Variants in ARMC2 observed in about 807,000 individuals in gnomAD.
The protein encoded by ARMC2 is armadillo repeat containing 2.
Under a neutral mutation model 90.3 loss-of-function variants are expected in ARMC2, and 67 were observed. The observed-to-expected ratio is 0.74, with a 90% CI of 0.61 to 0.91. ARMC2 has a LOEUF of 0.91. Ranked by LOEUF, ARMC2 falls within the 40% of genes least tolerant of loss-of-function variation. The pLI is 0.00. For synonymous variants in ARMC2, 393 were observed against 393.0 expected, an observed-to-expected ratio of 1.00 and a Z score of 0.00; for missense variants, 920 against 1,030.9, an observed-to-expected ratio of 0.89 and a Z score of 1.47.
intron 2 of ARMC2, among the ~76,000 whole-genome samples, chr6:108,856,983 T>C (rs1414014404): frequency 2.0e-5 from 3 of 152,236 alleles, no homozygotes; most frequent in Non-Finnish European, 4.4e-5. Flanking sequence ...TTATAATATG[T>C]CTTAAAGTCA....
chr6:109,007,949 T>C, the ARMC2 span, among the ~76,000 whole-genome samples: 1 of 152,202 alleles, frequency 6.6e-6, no homozygotes, highest in African/African-American at 2.4e-5. Flanking sequence ...TTATGGAAGC[T>C]AGCTATTTGA....
At chr6:108,892,254 C>A (rs952405421) in intron 5 of ARMC2, among the ~76,000 whole-genome samples, 1 of 152,076 alleles carries the variant, frequency 6.6e-6, no homozygotes, top group African/African-American at 2.4e-5. Context: ...GGTATTTTAC[C>A]TTTTTGCAAG....
In ARMC2 at chr6:108,962,011, C is replaced by T. The variant is rs1778032202; in HGVS notation, c.2039-3C>T. On this transcript the variant is annotated splice_polypyrimidine_tract_variant and splice_region_variant and intron_variant, in intron 14 of 17. Coordinates refer to ENST00000392644, the MANE Select transcript of ARMC2 (RefSeq NM_032131.6). ...ATTTAATTTCTCTGGTCGCCAAATCCAGTGCTCTTAAAGCTTCTTGTCAGT... is the reference window on the plus strand; with the variant it reads ...ATTTAATTTCTCTGGTCGCCAAATCTAGTGCTCTTAAAGCTTCTTGTCAGT... 1.9e-6 allele frequency: 3 copies of T among 1,593,388 alleles called. No homozygotes were observed. Among genetic ancestry groups the T allele is most frequent in the Admixed American group, 1.8e-5 (1 of 55,050 alleles).
chr6:108,867,838 G>A (rs1396596937), intron 3 of ARMC2, among the ~76,000 whole-genome samples: 1 of 151,310 alleles, frequency 6.6e-6, no homozygotes, highest in Non-Finnish European at 1.5e-5. Flanking sequence ...GGGAGCTGAG[G>A]CCGGAGAATC....
Position 108,965,000 on chromosome 6 carries a change from A to G in ARMC2, c.2306A>G (p.Asp769Gly), listed in dbSNP as rs763956645. ...CTCAGGTTAGTGGACTGTTTAAGAGATTTGGGTCCTACTGATTGGCAGCTG... is the reference window on the plus strand; with the variant it reads ...CTCAGGTTAGTGGACTGTTTAAGAGGTTTGGGTCCTACTGATTGGCAGCTG... ...GIKKLVDCLRDLGPTDWQLAC... is the reference protein window; with the variant it reads ...GIKKLVDCLRGLGPTDWQLAC... The change falls in exon 17 of 18, where the codon GAT becomes GGT. Residue 769 changes from aspartate (D) to glycine (G), a missense_variant. Asp to Gly is a moderately conservative substitution (Grantham distance 94). Transcript: ENST00000392644. 1 of 1,611,986 alleles carries G rather than the reference A, an allele frequency of 6.2e-7. No individual in the cohort carries two copies. The highest frequency in any genetic ancestry group is 8.5e-7 in the Non-Finnish European group (1 of 1,178,164).
the ARMC2 span, chr6:108,998,583 C>T: frequency 6.2e-7 from 1 of 1,613,842 alleles, no homozygotes; most frequent in East Asian, 2.2e-5. Context: ...GTCACAGATG[C>T]AGTAGTTGCT....
chr6:108,921,868 GT>G (rs1774607745), intron 10 of ARMC2, among the ~76,000 whole-genome samples: 1 of 152,192 alleles, frequency 6.6e-6, no homozygotes, highest in African/African-American at 2.4e-5. Flanking sequence ...GATTTCAGTT[GT>G]GGATATTCCA....
intron 5 of ARMC2, among the ~76,000 whole-genome samples, chr6:108,881,115 A>G (rs925628306): frequency 6.6e-6 from 1 of 150,644 alleles, no homozygotes; most frequent in Admixed American, 6.6e-5. Context: ...CAGCCTCCCA[A>G]AGTACTGAGA....
the ARMC2 span, among the ~76,000 whole-genome samples, chr6:109,022,472 G>GAGTGC: frequency 7.4e-6 from 1 of 135,602 alleles, no homozygotes; most frequent in Non-Finnish European, 1.5e-5. Context: ...GCCCAGGCTG[G>GAGTGC]AGTGCAGTGG....
intron 7 of ARMC2, among the ~76,000 whole-genome samples, chr6:108,902,062 G>A (rs1170389005): frequency 2.0e-5 from 3 of 152,160 alleles, no homozygotes; most frequent in South Asian, 2.1e-4. Context: ...GTTGCTGGTC[G>A]TGTCCCACAG....
chr6:108,985,064 T>C, the ARMC2 span, among the ~76,000 whole-genome samples: 5 of 152,334 alleles, frequency 3.3e-5, no homozygotes, highest in South Asian at 1.0e-3. Flanking sequence ...GATTCATATA[T>C]GATATTCACA....
chr6:108,902,307 C>T lies in ARMC2; in HGVS notation c.848-1923C>T, dbSNP rs183841544. ...TTTGATCAATAGTTTAAAATTTGACCCTTGAGCCTTTCTTTCTAACCCCTT... is the reference window on the plus strand; with the variant it reads ...TTTGATCAATAGTTTAAAATTTGACTCTTGAGCCTTTCTTTCTAACCCCTT... On this transcript the variant is annotated intron_variant, in intron 7 of 17. Coordinates refer to ENST00000392644, the MANE Select transcript of ARMC2 (RefSeq NM_032131.6). Among the ~76,000 whole-genome samples the T allele has an allele frequency of 7.2e-5, 11 of 152,170 alleles. 1 individual carries two copies. The East Asian group carries it at 1.9e-3, about 27-fold the overall frequency.
the ARMC2 span, among the ~76,000 whole-genome samples, chr6:109,011,820 G>A: frequency 6.6e-6 from 1 of 151,372 alleles, no homozygotes; most frequent in Non-Finnish European, 1.5e-5. Context: ...GTAGAGATAG[G>A]GTCTCATTAT....
At chr6:108,967,715 T>C (rs1778474754) in intron 17 of ARMC2, among the ~76,000 whole-genome samples, 1 of 152,156 alleles carries the variant, frequency 6.6e-6, no homozygotes, top group Admixed American at 6.5e-5. Context: ...TTTGTATTCT[T>C]TTTATTGTTG....
chr6:108,907,155 T>C (rs1444629778), intron 8 of ARMC2, among the ~76,000 whole-genome samples: 1 of 152,186 alleles, frequency 6.6e-6, no homozygotes, highest in East Asian at 1.9e-4. Context: ...TTCTTCTTAT[T>C]GTTTTAATGA....
chr6:108,979,611 C>T, the ARMC2 span, among the ~76,000 whole-genome samples: 6 of 152,028 alleles, frequency 3.9e-5, no homozygotes, highest in South Asian at 2.1e-4. Flanking sequence ...CCATTTTCCC[C>T]GTCACTTTCA....
intron 5 of ARMC2, among the ~76,000 whole-genome samples, chr6:108,883,082 A>G (rs138531663): frequency 1.3e-5 from 2 of 152,348 alleles, no homozygotes; most frequent in East Asian, 3.9e-4. Context: ...CAAATGGAAG[A>G]AAGTTTCATA....
chr6:108,848,899 CGAT>C (rs1044985681), intron 1 of ARMC2: 4 of 152,196 alleles, frequency 2.6e-5, no homozygotes, highest in African/African-American at 9.7e-5. Flanking sequence ...GGTAGAGAGA[CGAT>C]GAGTGCCCTG....
intron 4 of ARMC2, among the ~76,000 whole-genome samples, chr6:108,870,133 A>G (rs1776239512): frequency 6.6e-6 from 1 of 152,180 alleles, no homozygotes; most frequent in Non-Finnish European, 1.5e-5. Context: ...ATGAAGAGAG[A>G]TAGGCTTACA....
Sources: allele counts gnomAD v4.1 joint callset (sites outside exome capture counted in the v4.1 genomes callset), GRCh38; gene constraint gnomAD v4.1.1; transcripts MANE v1.5; gene names NCBI Gene and HGNC (gene_info 2026-07-23, HGNC 2026-07-21).